The following CD226 variants were observed in gnomAD, a reference collection of about 807,000 sequenced individuals.
The protein encoded by CD226 is CD226 antigen.
CD226 carries 24 observed loss-of-function variants against 34.9 expected under a neutral mutation model. That is an observed-to-expected ratio of 0.69 (90% confidence interval 0.50 to 0.97). CD226 has a LOEUF of 0.97. CD226 is among the 50% of genes least tolerant of loss of function. CD226 has a pLI of 0.00. For missense variants in CD226, 397 were observed against 412.7 expected (o/e 0.96, Z 0.33); for synonymous variants, 148 against 147.4 (o/e 1.00, Z -0.03).
In CD226 at chr18:69,862,881, T is replaced by G. The variant is rs1982898586; in HGVS notation, c.*1433A>C. On this transcript the variant is annotated 3_prime_UTR_variant, in exon 6 of 6. Transcript: ENST00000582621. The stretch of plus-strand genomic sequence containing the variant: ...AATGAATCTTTTCTAGATGGTGGTC[T>G]TTAGAAATCTTTAGAGATAAATAAT... 6.6e-6 allele frequency: 1 copy of G among 152,192 alleles called. No individual in the cohort carries two copies. 9.4% of individuals were successfully genotyped at this position (152,192 alleles called of 1,614,324 possible).
intron 2 of CD226, among the ~76,000 whole-genome samples, chr18:69,912,528 C>T (rs945376775): frequency 8.5e-5 from 13 of 152,294 alleles, no homozygotes; most frequent in African/African-American, 3.1e-4. Flanking sequence ...GATGTCTAGG[C>T]TACAAAATTC....
chr18:69,880,790 T>C (rs1482419745), intron 3 of CD226, among the ~76,000 whole-genome samples: 1 of 151,818 alleles, frequency 6.6e-6, no homozygotes, highest in East Asian at 1.9e-4. Flanking sequence ...TAGCTGGGAC[T>C]ACAGGCGCCC....
rs149056801 is a variant in CD226 at position 69,945,265 on chromosome 18, G to A, written c.382+1469C>T. On this transcript the variant is annotated intron_variant, in intron 2 of 5. Coordinates refer to ENST00000582621, the MANE Select transcript of CD226 (RefSeq NM_001303618.2). ...ATGGACCAAGTTCTTTAAATATATCGTCCCTCAGCCATTCAACAAGTAGAA... is the reference window on the plus strand; with the variant it reads ...ATGGACCAAGTTCTTTAAATATATCATCCCTCAGCCATTCAACAAGTAGAA... 5.7e-4 allele frequency among the ~76,000 whole-genome samples: 86 copies of A among 152,152 alleles called. 1 individual carries two copies. Among genetic ancestry groups the A allele is most frequent in the African/African-American group, 1.9e-3 (78 of 41,518 alleles).
At chr18:69,880,348 GA>G (rs1568164891) in intron 3 of CD226, among the ~76,000 whole-genome samples, 3 of 83,198 alleles carry the variant, frequency 3.6e-5, no homozygotes, top group Non-Finnish European at 1.0e-4. Context: ...AAGAAAGAAA[GA>G]AAGAAAGAAA....
At chr18:69,930,020 T>C (rs1169467269) in intron 2 of CD226, among the ~76,000 whole-genome samples, 3 of 152,122 alleles carry the variant, frequency 2.0e-5, no homozygotes, top group Non-Finnish European at 2.9e-5. Flanking sequence ...CTCTGCACCA[T>C]GAGCACGGGC....
chr18:69,952,745 T>C (rs1190632319), upstream of CD226, among the ~76,000 whole-genome samples: 1 of 152,178 alleles, frequency 6.6e-6, no homozygotes, highest in Admixed American at 6.5e-5. Flanking sequence ...AAAAAATAAA[T>C]TGGACTTACT....
chr18:69,857,410 G>T lies in CD226; in HGVS notation c.*6904C>A, dbSNP rs4891781. 0.37 allele frequency: 56,412 copies of T among 152,028 alleles called. 10,666 individuals carry two copies. Among genetic ancestry groups the T allele is most frequent in the Middle Eastern group, 0.49 (144 of 294 alleles). 9.4% of individuals were successfully genotyped at this position (152,028 alleles called of 1,614,324 possible). On this transcript the variant is annotated 3_prime_UTR_variant, in exon 6 of 6. Coordinates refer to ENST00000582621, the MANE Select transcript of CD226 (RefSeq NM_001303618.2). ...CCAAAGCTGTTACTCAGAAAACTTA[G>T]TATCACTGAGAGTATATTGGAGAGC...
intron 3 of CD226, 79 bp downstream of exon 3, chr18:69,895,622 C>A: frequency 9.9e-7 from 1 of 1,015,072 alleles, no homozygotes; most frequent in Non-Finnish European, 1.5e-6. Context: ...ACATGTTTAC[C>A]ATAAATAAAA....
chr18:69,944,615 G>A (rs2055767065), intron 2 of CD226: 1 of 152,228 alleles, frequency 6.6e-6, no homozygotes. Flanking sequence ...AACTTTAAAG[G>A]CATACCACAC....
intron 2 of CD226, among the ~76,000 whole-genome samples, chr18:69,916,101 TTTAAA>T (rs1420524112): frequency 5.9e-5 from 9 of 152,204 alleles, no homozygotes; most frequent in Non-Finnish European, 1.3e-4. Context: ...TACTCGCAGG[TTTAAA>T]TTAGACATCT....
chr18:69,870,710 C>T (rs939391994), intron 4 of CD226, among the ~76,000 whole-genome samples: 5 of 152,192 alleles, frequency 3.3e-5, no homozygotes, highest in African/African-American at 1.2e-4. Context: ...ATCCCTCCAA[C>T]ACACAGGCTA....
At chr18:69,936,485 C>G (rs531336230) in intron 2 of CD226, among the ~76,000 whole-genome samples, 1 of 152,160 alleles carries the variant, frequency 6.6e-6, no homozygotes, top group Non-Finnish European at 1.5e-5. Flanking sequence ...TCTTTATATA[C>G]TATTTTATTT....
At chr18:69,907,323 T>C (rs772222101) in intron 2 of CD226, among the ~76,000 whole-genome samples, 1 of 152,180 alleles carries the variant, frequency 6.6e-6, no homozygotes, top group African/African-American at 2.4e-5. Flanking sequence ...AATGTCTTTT[T>C]TGTTTGTTTT....
intron 2 of CD226, among the ~76,000 whole-genome samples, chr18:69,936,948 C>T (rs1419439750): frequency 6.6e-6 from 1 of 152,144 alleles, no homozygotes; most frequent in Non-Finnish European, 1.5e-5. Flanking sequence ...CAGGCAATAG[C>T]CTTTCAGACC....
intron 3 of CD226, among the ~76,000 whole-genome samples, chr18:69,875,120 GC>G (rs1365751622): frequency 8.5e-5 from 13 of 152,088 alleles, no homozygotes; most frequent in African/African-American, 1.9e-4. Context: ...TCATATGATA[GC>G]TTTATTTATT....
At chr18:69,896,399 T>G (rs1409984018) in intron 2 of CD226, among the ~76,000 whole-genome samples, 1 of 152,186 alleles carries the variant, frequency 6.6e-6, no homozygotes, top group African/African-American at 2.4e-5. Flanking sequence ...GCCAGGATGG[T>G]CTCAATCTCC....
At chr18:69,929,782 A>G (rs542877287) in intron 2 of CD226, among the ~76,000 whole-genome samples, 38 of 152,334 alleles carry the variant, frequency 2.5e-4, no homozygotes, top group African/African-American at 7.2e-4. Flanking sequence ...TGACAGCACC[A>G]TCTACTCAGG....
intron 2 of CD226, among the ~76,000 whole-genome samples, chr18:69,910,628 A>C (rs1470449690): frequency 6.6e-6 from 1 of 152,158 alleles, no homozygotes; most frequent in African/African-American, 2.4e-5. Context: ...GACAAAACAT[A>C]ATCACTTTGG....
Position 69,947,023 on chromosome 18 carries a change from C to G in CD226, c.93G>C (p.Glu31Asp), listed in dbSNP as rs763454639. 1.9e-6 allele frequency: 3 copies of G among 1,614,140 alleles called. 1 individual carries two copies. The highest frequency in any genetic ancestry group is 2.2e-5 in the South Asian group (2 of 91,078). The change falls in exon 2 of 6, where the codon GAG (glutamate) becomes GAC (aspartate). Residue 31 changes from glutamate (E) to aspartate (D), a missense_variant. Physicochemically the swap from Glu to Asp is conservative, Grantham distance 45. Coordinates refer to ENST00000582621, the MANE Select transcript of CD226 (RefSeq NM_001303618.2). ...GATACACACATTCTAGAGACATGTT[C>G]TCGGCAAAGGGAACTGATGTATGCC... ...VLWHTSVPFAENMSLECVYPS... is the reference protein window; with the variant it reads ...VLWHTSVPFADNMSLECVYPS...
Sources: allele counts gnomAD v4.1 joint callset (sites outside exome capture counted in the v4.1 genomes callset), GRCh38; gene constraint gnomAD v4.1.1; transcripts MANE v1.5; gene names NCBI Gene and HGNC (gene_info 2026-07-23, HGNC 2026-07-21).